The following UPP2 variants were observed in gnomAD, a reference collection of about 807,000 sequenced individuals.
UPP2 encodes uridine phosphorylase 2.
In UPP2, 23 loss-of-function variants were observed where a neutral mutation model predicts 26.7. The ratio of observed to expected loss-of-function variants is 0.86; its 90% CI spans 0.62 to 1.22. The LOEUF is 1.22. Among genes scored for constraint, UPP2 ranks in the 50% most tolerant of loss-of-function variants. The probability of loss-of-function intolerance (pLI) is 0.00; values close to 1 mark genes in which losing one functional copy is unlikely to be tolerated. For missense variants in UPP2, 387 were observed against 396.7 expected (o/e 0.98, Z 0.21); for synonymous variants, 127 against 141.3 (o/e 0.90, Z 0.72).
intron 2 of UPP2, among the ~76,000 whole-genome samples, chr2:158,007,551 T>C (rs78835359): frequency 0.042 from 6,354 of 152,214 alleles, 432 homozygotes; most frequent in African/African-American, 0.14. Flanking sequence ...GCCTGGCAAC[T>C]TTTAACACCG....
intron 3 of UPP2, among the ~76,000 whole-genome samples, chr2:158,095,848 C>T (rs1037229597): frequency 6.6e-6 from 1 of 151,486 alleles, no homozygotes. Flanking sequence ...GTGGTTATTT[C>T]GAGCTTAGAC....
At chr2:158,105,339 G>T (rs533684649) in intron 1 of UPP2, among the ~76,000 whole-genome samples, 8 of 152,174 alleles carry the variant, frequency 5.3e-5, no homozygotes, top group African/African-American at 1.9e-4. Context: ...TAGCACTGCC[G>T]TGATGGGGGT....
chr2:158,051,157 A>ATGTGTGTGTGTGTGTG lies in UPP2; in HGVS notation c.147+35297_147+35312dup, dbSNP rs57745839. 5.7e-4 allele frequency among the ~76,000 whole-genome samples: 83 copies of ATGTGTGTGTGTGTGTG among 145,036 alleles called. 1 individual carries two copies. Among genetic ancestry groups the ATGTGTGTGTGTGTGTG allele is most frequent in the South Asian group, 5.6e-3 (25 of 4,458 alleles). On this transcript the variant is annotated intron_variant, in intron 3 of 9. Coordinates refer to the UPP2 transcript ENST00000605860. ...AATCATTGAGGGTCACTCTAGGAAT[A>ATGTGTGTGTGTGTGTG]TGTGTGTGTGTGTGTGTGTGTGTGT...
At chr2:158,078,183 G>A (rs1333812482) in intron 3 of UPP2, among the ~76,000 whole-genome samples, 4 of 152,126 alleles carry the variant, frequency 2.6e-5, no homozygotes, top group Non-Finnish European at 4.4e-5. Flanking sequence ...CACTGTTGGT[G>A]AGAATGTAAA....
chr2:158,120,788 G>A (rs977823541), intron 4 of UPP2, among the ~76,000 whole-genome samples: 3 of 151,972 alleles, frequency 2.0e-5, no homozygotes, highest in African/African-American at 7.2e-5. Flanking sequence ...GCTGACACCT[G>A]AAGAGTGACT....
At chr2:158,044,409 C>G (rs531927968) in intron 3 of UPP2, among the ~76,000 whole-genome samples, 23 of 151,200 alleles carry the variant, frequency 1.5e-4, no homozygotes, top group African/African-American at 5.3e-4. Flanking sequence ...AGTCTCGGGG[C>G]AGGAGAGGAT....
chr2:158,070,252 A>C (rs1395777218), intron 3 of UPP2, among the ~76,000 whole-genome samples: 1 of 152,146 alleles, frequency 6.6e-6, no homozygotes, highest in Non-Finnish European at 1.5e-5. Context: ...AATGAACCCA[A>C]ACTGAGCTAC....
At chr2:158,068,792 ATATATATATATTTTTTTTTTTTTTTTTTT>A (rs1682484840) in intron 3 of UPP2, among the ~76,000 whole-genome samples, 1 of 15,958 alleles carries the variant, frequency 6.3e-5, no homozygotes, top group Admixed American at 1.1e-3. Context: ...ATATATATAT[ATATATATATATTTTTTTTTTTTTTTTTTT>A]TTTTTTTTTT....
At chr2:158,068,991 G>C (rs934118381) in intron 3 of UPP2, among the ~76,000 whole-genome samples, 14 of 149,756 alleles carry the variant, frequency 9.3e-5, no homozygotes, top group Admixed American at 9.3e-4. Flanking sequence ...CTAATTTTTT[G>C]TATTTTTAGT....
chr2:158,071,412 A>G (rs1682537626), intron 3 of UPP2, among the ~76,000 whole-genome samples: 1 of 152,020 alleles, frequency 6.6e-6, no homozygotes, highest in African/African-American at 2.4e-5. Flanking sequence ...TTAGCTGGGC[A>G]TGGTGGCACA....
At chr2:158,089,497 C>G (rs966696419) in intron 3 of UPP2, among the ~76,000 whole-genome samples, 1 of 152,180 alleles carries the variant, frequency 6.6e-6, no homozygotes, top group Admixed American at 6.5e-5. Flanking sequence ...ATTCAACCAC[C>G]CCCGACCCCA....
At chr2:157,995,924 T>C (rs1217556479) in intron 2 of UPP2, among the ~76,000 whole-genome samples, 2 of 152,150 alleles carry the variant, frequency 1.3e-5, no homozygotes, top group African/African-American at 4.8e-5. Context: ...TAAAGTGAAA[T>C]ATCCTATTCA....
At chr2:158,045,848 C>A (rs190622823) in intron 3 of UPP2, among the ~76,000 whole-genome samples, 1 of 152,096 alleles carries the variant, frequency 6.6e-6, no homozygotes, top group Non-Finnish European at 1.5e-5. Flanking sequence ...GAGGCTAGAT[C>A]GCAAGTGGTA....
At chr2:158,050,859 A>T (rs571471781) in intron 3 of UPP2, among the ~76,000 whole-genome samples, 1 of 152,322 alleles carries the variant, frequency 6.6e-6, no homozygotes, top group South Asian at 2.1e-4. Flanking sequence ...CTACTGTTTG[A>T]TAGCATAACA....
chr2:158,051,522 C>T (rs958767554), intron 3 of UPP2, among the ~76,000 whole-genome samples: 12 of 152,262 alleles, frequency 7.9e-5, no homozygotes, highest in African/African-American at 2.6e-4. Context: ...GTGGCTCACG[C>T]CTGTAATCCC....
intron 3 of UPP2, among the ~76,000 whole-genome samples, chr2:158,044,609 C>T (rs979368055): frequency 2.6e-5 from 4 of 152,088 alleles, no homozygotes; most frequent in Non-Finnish European, 4.4e-5. Context: ...ACAATGTATA[C>T]ACATTGTGGA....
At chr2:158,005,656 T>G (rs527907920) in intron 2 of UPP2, among the ~76,000 whole-genome samples, 1 of 152,252 alleles carries the variant, frequency 6.6e-6, no homozygotes, top group Non-Finnish European at 1.5e-5. Context: ...GGTGAATTTA[T>G]ATGGCTCTGC....
chr2:158,052,898 C>A (rs1249161511), intron 3 of UPP2, among the ~76,000 whole-genome samples: 3 of 152,166 alleles, frequency 2.0e-5, no homozygotes, highest in Non-Finnish European at 4.4e-5. Context: ...CAAGTATGAA[C>A]ATGGCTGTGT....
At chr2:158,121,386 A>G (rs1683562777) in intron 4 of UPP2, 23 bp from the exon 5 acceptor site, 1 of 1,587,464 alleles carries the variant, frequency 6.3e-7, no homozygotes, top group South Asian at 1.1e-5. Flanking sequence ...ATTCTTCTGT[A>G]ATCATTTATT....
Sources: gnomAD v4.1 joint callset for allele counts (sites outside exome capture counted in the v4.1 genomes callset) on GRCh38, gnomAD v4.1.1 for gene constraint, MANE v1.5 for transcripts, NCBI Gene and HGNC (gene_info 2026-07-23, HGNC 2026-07-21) for gene names.